Variants in KCNAB1 observed in about 807,000 individuals in gnomAD.
The protein encoded by KCNAB1 is potassium voltage-gated channel subfamily A regulatory beta subunit 1.
Under a neutral mutation model 64.6 loss-of-function variants are expected in KCNAB1, and 35 were observed. That is an observed-to-expected ratio of 0.54 (90% CI 0.41 to 0.72). The LOEUF is 0.72. Ranked by LOEUF, KCNAB1 falls within the 30% of genes least tolerant of loss-of-function variation. The pLI is 0.00. For missense variants in KCNAB1, 401 were observed against 512.9 expected, an observed-to-expected ratio of 0.78 and a Z score of 2.11; for synonymous variants, 177 against 183.8, an observed-to-expected ratio of 0.96 and a Z score of 0.30.
chr3:156,512,187 G>A (rs1292524032), intron 8 of KCNAB1, among the ~76,000 whole-genome samples: 1 of 152,178 alleles, frequency 6.6e-6, no homozygotes, highest in Non-Finnish European at 1.5e-5. Flanking sequence ...AACTCCCTGA[G>A]TCCAGGAAAT....
intron 8 of KCNAB1, among the ~76,000 whole-genome samples, chr3:156,495,284 G>A (rs1486242722): frequency 6.6e-6 from 1 of 152,122 alleles, no homozygotes. Flanking sequence ...ATTGGTGGAA[G>A]TGTAAATTAG....
intron 12 of KCNAB1, 35 bp from the exon 13 acceptor site, chr3:156,531,374 C>T: frequency 6.7e-7 from 1 of 1,484,018 alleles, no homozygotes; most frequent in Non-Finnish European, 9.4e-7. Context: ...ATTGGAAGTG[C>T]TTTGATAAAC....
chr3:156,183,836 AAAAAGT>A (rs1713021961), intron 1 of KCNAB1, among the ~76,000 whole-genome samples: 1 of 152,226 alleles, frequency 6.6e-6, no homozygotes, highest in Non-Finnish European at 1.5e-5. Flanking sequence ...GTGGCATGAG[AAAAAGT>A]ATAAGTATAA....
At chr3:156,313,746 T>C (rs963285457) in intron 1 of KCNAB1, among the ~76,000 whole-genome samples, 7 of 152,200 alleles carry the variant, frequency 4.6e-5, no homozygotes, top group African/African-American at 1.7e-4. Flanking sequence ...GTTGGTGTTG[T>C]TTTAAGCCAC....
In KCNAB1 at chr3:156,126,410, G is replaced by C. The variant is rs1365724306; in HGVS notation, c.275+5524G>C. On this transcript the variant is annotated intron_variant, in intron 1 of 13. Transcript: ENST00000490337. ...TCTGGGGGGAAATTTGTAGGAGAAAGCTGATCTGTGGATGTTTTTAGGCAA... is the reference window on the plus strand; with the variant it reads ...TCTGGGGGGAAATTTGTAGGAGAAACCTGATCTGTGGATGTTTTTAGGCAA... 2.0e-5 allele frequency among the ~76,000 whole-genome samples: 3 copies of C among 152,198 alleles called. No homozygotes were observed. In the East Asian group the frequency reaches 5.8e-4, roughly 29 times the overall value.
At chr3:156,140,447 GCT>G (rs1451280344) in intron 1 of KCNAB1, among the ~76,000 whole-genome samples, 1 of 152,128 alleles carries the variant, frequency 6.6e-6, no homozygotes, top group African/African-American at 2.4e-5. Flanking sequence ...AAGGGCCGCT[GCT>G]CTCTCCTTCC....
intron 11 of KCNAB1, 176 bp from the exon 12 acceptor site, chr3:156,523,651 A>G (rs1718102513): frequency 4.7e-6 from 3 of 639,650 alleles, no homozygotes; most frequent in Non-Finnish European, 8.3e-6. Context: ...ACCAATAAAC[A>G]AGGAGCAAGA....
intron 1 of KCNAB1, among the ~76,000 whole-genome samples, chr3:156,381,310 A>G (rs1334838895): frequency 1.3e-5 from 2 of 152,236 alleles, no homozygotes; most frequent in Non-Finnish European, 2.9e-5. Context: ...CTGAGGGAAC[A>G]GCATGAGATC....
chr3:156,335,390 A>G (rs1029791785), intron 1 of KCNAB1, among the ~76,000 whole-genome samples: 2 of 152,158 alleles, frequency 1.3e-5, no homozygotes, highest in African/African-American at 2.4e-5. Flanking sequence ...CACTTTATAC[A>G]TACACCAATC....
chr3:156,460,213 A>T, intron 5 of KCNAB1: 1 of 236,674 alleles, frequency 4.2e-6, no homozygotes, highest in Non-Finnish European at 8.1e-6. Flanking sequence ...GAAGCTGATT[A>T]TCCCCCCACA....
chr3:156,337,265 T>C (rs933932120), intron 1 of KCNAB1, among the ~76,000 whole-genome samples: 7 of 152,212 alleles, frequency 4.6e-5, no homozygotes, highest in Non-Finnish European at 8.8e-5. Context: ...AGGAAGTTGC[T>C]ATTTTGAGGA....
intron 1 of KCNAB1, among the ~76,000 whole-genome samples, chr3:156,282,220 T>C (rs1211184798): frequency 1.3e-5 from 2 of 149,252 alleles, no homozygotes; most frequent in Non-Finnish European, 1.5e-5. Context: ...CATTTCGTTA[T>C]GTACCCAGTA....
chr3:156,384,054 A>G (rs1203939234), intron 1 of KCNAB1, among the ~76,000 whole-genome samples: 1 of 152,258 alleles, frequency 6.6e-6, no homozygotes, highest in African/African-American at 2.4e-5. Flanking sequence ...TTCAGGAAAC[A>G]TTAAATGTTG....
At chr3:156,134,478 A>G (rs747845515) in intron 1 of KCNAB1, among the ~76,000 whole-genome samples, 4 of 152,230 alleles carry the variant, frequency 2.6e-5, no homozygotes, top group Non-Finnish European at 5.9e-5. Context: ...GAGGTACTCA[A>G]CCAGGAGGTT....
At chr3:156,483,782 G>T (rs958529176) in intron 8 of KCNAB1, among the ~76,000 whole-genome samples, 1 of 152,066 alleles carries the variant, frequency 6.6e-6, no homozygotes, top group African/African-American at 2.4e-5. Flanking sequence ...TTAACAAGAG[G>T]CCCACAAAGT....
chr3:156,447,866 A>C (rs1711694048), intron 2 of KCNAB1, among the ~76,000 whole-genome samples: 1 of 152,212 alleles, frequency 6.6e-6, no homozygotes, highest in South Asian at 2.1e-4. Flanking sequence ...GTGATGTAAG[A>C]TATTAAAATG....
intron 1 of KCNAB1, among the ~76,000 whole-genome samples, chr3:156,217,533 C>T (rs973290272): frequency 1.3e-5 from 2 of 152,186 alleles, no homozygotes; most frequent in Admixed American, 6.5e-5. Flanking sequence ...GAAGTCATTG[C>T]GTTTCCACTA....
At chr3:156,304,048 C>T (rs1721326697) in intron 1 of KCNAB1, among the ~76,000 whole-genome samples, 1 of 152,140 alleles carries the variant, frequency 6.6e-6, no homozygotes, top group South Asian at 2.1e-4. Flanking sequence ...TATCACACGA[C>T]AATATCACTG....
chr3:156,371,108 A>G (rs888634220), intron 1 of KCNAB1, among the ~76,000 whole-genome samples: 1 of 152,246 alleles, frequency 6.6e-6, no homozygotes, highest in East Asian at 1.9e-4. Flanking sequence ...CATGGAACAC[A>G]CATTGAGAAG....
Sources: gnomAD v4.1 joint callset for allele counts (sites outside exome capture counted in the v4.1 genomes callset) on GRCh38, gnomAD v4.1.1 for gene constraint, MANE v1.5 for transcripts, NCBI Gene and HGNC (gene_info 2026-07-23, HGNC 2026-07-21) for gene names.